Variants in NET1 observed in about 807,000 individuals in gnomAD.
NET1 encodes neuroepithelial cell-transforming gene 1 protein.
NET1 carries 42 observed loss-of-function variants against 61.1 expected under a neutral mutation model. The observed-to-expected ratio is 0.69, with a 90% CI of 0.54 to 0.89. The LOEUF (loss-of-function observed/expected upper bound fraction) is 0.89, where lower values mean the gene tolerates loss of function less well. Among genes scored for constraint, NET1 ranks in the 40% least tolerant of loss-of-function variants. The probability of loss-of-function intolerance (pLI) is 0.00; values close to 1 mark genes in which losing one functional copy is unlikely to be tolerated. For missense variants in NET1, 654 were observed against 747.3 expected (o/e 0.88, Z 1.46); for synonymous variants, 254 against 281.8 (o/e 0.90, Z 0.99).
intron 3 of NET1, among the ~76,000 whole-genome samples, chr10:5,436,225 CAT>C (rs1411296575): frequency 0.019 from 468 of 24,622 alleles, 54 homozygotes; most frequent in Admixed American, 0.027. Flanking sequence ...TGTGTGTGTG[CAT>C]ATATATATAT....
chr10:5,418,623 C>A (rs76765526), intron 1 of NET1, among the ~76,000 whole-genome samples: 1 of 151,830 alleles, frequency 6.6e-6, no homozygotes, highest in Non-Finnish European at 1.5e-5. Context: ...TTTCTTTGTT[C>A]TTCTATTCTT....
rs1395407636 is a variant in NET1 at position 5,447,733 on chromosome 10, A to C, written c.256-4097A>C. Among the ~76,000 whole-genome samples, 1 of 152,224 alleles carries C rather than the reference A, an allele frequency of 6.6e-6. No individual in the cohort carries two copies. The highest frequency in any genetic ancestry group is 1.5e-5 in the Non-Finnish European group (1 of 68,034). ...GGTAGTTAAAATAGCTGCCGTCTTC[A>C]GGAAGTACACTTTTATTTGGTGTGG... On this transcript the variant is annotated intron_variant, in intron 3 of 11. Coordinates refer to ENST00000355029, the MANE Select transcript of NET1 (RefSeq NM_001047160.3). This position sits in a 1 kb window ranked among gnomAD's most constrained non-coding sequence, Gnocchi z 4.1.
Position 5,439,380 on chromosome 10 carries a change from G to A in NET1, c.255+10151G>A, listed in dbSNP as rs143142272. 2.0e-5 allele frequency among the ~76,000 whole-genome samples: 3 copies of A among 152,296 alleles called. No homozygotes were observed. The East Asian group carries it at 5.8e-4, about 29-fold the overall frequency. ...GTTTTAGAGACCTACTCCACCCCTA[G>A]ATGAAGAGTTGAAAGAGAAGTACCA... is the stretch of plus-strand genomic sequence containing the variant. On this transcript the variant is annotated intron_variant, in intron 3 of 11. Transcript: ENST00000355029. This position sits in a 1 kb window ranked among gnomAD's most constrained non-coding sequence, Gnocchi z 4.8.
At position 5,452,317 on chromosome 10, in the gene NET1, C is replaced by T; in HGVS notation, c.364-41C>T. On this transcript the variant is annotated intron_variant, in intron 4 of 11. Transcript: ENST00000355029. This position sits in a 1 kb window ranked among gnomAD's most constrained non-coding sequence, Gnocchi z 4.0. ...AAAATGGGAATAATTCTATTTCTTC[C>T]AAATCTTATTTTCTCTTTTGTTCAC... 1 of 1,470,366 alleles carries T rather than the reference C, an allele frequency of 6.8e-7. No homozygotes were observed. The highest frequency in any genetic ancestry group is 9.1e-7 in the Non-Finnish European group (1 of 1,100,232). 91.1% of individuals were successfully genotyped at this position (1,470,366 alleles called of 1,614,324 possible).
rs984807786 is a variant in NET1 at position 5,422,205 on chromosome 10, C to T, written c.129-4450C>T. Among the ~76,000 whole-genome samples the T allele has an allele frequency of 2.6e-5, 4 of 152,004 alleles. No individual in the cohort carries two copies. Among genetic ancestry groups the T allele is most frequent in the African/African-American group, 7.2e-5 (3 of 41,382 alleles). ...TATAAAATTTAGCTGGGCATGGTGG[C>T]GTGCCCCTGTAATCCTAGCTACTCG... On this transcript the variant is annotated intron_variant, in intron 1 of 11. Coordinates refer to ENST00000355029, the MANE Select transcript of NET1 (RefSeq NM_001047160.3). This position sits in a 1 kb window ranked among gnomAD's most constrained non-coding sequence, Gnocchi z 4.1.
Position 5,420,808 on chromosome 10 carries a change from A to C in NET1, c.129-5847A>C, listed in dbSNP as rs1019539721. Among the ~76,000 whole-genome samples, 10 of 151,860 alleles carry C rather than the reference A, an allele frequency of 6.6e-5. No homozygotes were observed. The highest frequency in any genetic ancestry group is 2.1e-4 in the South Asian group (1 of 4,778). ...ACGGGGTTTCACCATGTTGGCCAGG[A>C]TGGTTTTGATCTCCTGACCTCGTGA... On this transcript the variant is annotated intron_variant, in intron 1 of 11. Coordinates refer to ENST00000355029, the MANE Select transcript of NET1 (RefSeq NM_001047160.3). The surrounding 1 kb of genome is among the most constrained non-coding windows in gnomAD (Gnocchi z 5.3).
Position 5,454,228 on chromosome 10 carries a change from A to G in NET1, c.769-37A>G, listed in dbSNP as rs1475459975. 2.5e-6 allele frequency: 4 copies of G among 1,586,394 alleles called. No homozygotes were observed. The Admixed American group carries it at 5.5e-5, about 22-fold the overall frequency. On this transcript the variant is annotated intron_variant, in intron 8 of 11. Transcript: ENST00000355029. This position sits in a 1 kb window ranked among gnomAD's most constrained non-coding sequence, Gnocchi z 8.1. The stretch of plus-strand genomic sequence containing the variant: ...GCTTGTTAATGCACTCGGTCATAAC[A>G]GGAACACATCATACCTTTTCTTTTA...
rs1832629873 is a variant in NET1, at chr10:5,447,269, T to C, written c.256-4561T>C. Among the ~76,000 whole-genome samples the C allele has an allele frequency of 6.6e-6, 1 of 152,196 alleles. No homozygotes were observed. The highest frequency in any genetic ancestry group is 6.5e-5 in the Admixed American group (1 of 15,282). On this transcript the variant is annotated intron_variant, in intron 3 of 11. Coordinates refer to ENST00000355029, the MANE Select transcript of NET1 (RefSeq NM_001047160.3). The surrounding 1 kb of genome is among the most constrained non-coding windows in gnomAD (Gnocchi z 4.1). Reference sequence around the variant, plus strand: ...TGAACAAATTGCAACTAAAGTTTAGTCTGACCTGGTGTGCATTTTTCTTCC... The same window carrying C: ...TGAACAAATTGCAACTAAAGTTTAGCCTGACCTGGTGTGCATTTTTCTTCC...
At chr10:5,432,864 A>G (rs1283086319) in intron 3 of NET1, among the ~76,000 whole-genome samples, 1 of 151,932 alleles carries the variant, frequency 6.6e-6, no homozygotes, top group Non-Finnish European at 1.5e-5. Context: ...TTGCTTTGGT[A>G]TATCTTTTGA....
rs1268733932 is a variant in NET1, at chr10:5,417,269, G to A, written c.128+4449G>A. 1.3e-5 allele frequency among the ~76,000 whole-genome samples: 2 copies of A among 152,112 alleles called. No individual in the cohort carries two copies. Among genetic ancestry groups the A allele is most frequent in the Admixed American group, 6.5e-5 (1 of 15,296 alleles). ...TCGGGGGGTTTTTATAGGCACAGGT[G>A]GGGGCGTGCTTTTATAGGCACAGGA... On this transcript the variant is annotated intron_variant, in intron 1 of 11. Coordinates refer to ENST00000355029, the MANE Select transcript of NET1 (RefSeq NM_001047160.3). The surrounding 1 kb of genome is among the most constrained non-coding windows in gnomAD (Gnocchi z 5.5).
At chr10:5,429,263 TA>T (rs1472462451) in intron 3 of NET1, 34 bp downstream of exon 3, 11 of 1,438,134 alleles carry the variant, frequency 7.6e-6, no homozygotes, top group Non-Finnish European at 7.7e-6. Context: ...GAAAAGCATT[TA>T]AAAATATGCA....
Position 5,452,578 on chromosome 10 carries a change from C to A in NET1, c.531+53C>A, listed in dbSNP as rs917231946. The A allele has an allele frequency of 6.5e-7, 1 of 1,534,234 alleles. No homozygotes were observed. The highest frequency in any genetic ancestry group is 8.8e-7 in the Non-Finnish European group (1 of 1,130,256). On this transcript the variant is annotated intron_variant, in intron 5 of 11. Transcript: ENST00000355029. This position sits in a 1 kb window ranked among gnomAD's most constrained non-coding sequence, Gnocchi z 4.0. ...TCCCAAAAGAACAGCAAATTGATGC[C>A]GATGGCAAAATTAACTTGGATTTTT... is the stretch of plus-strand genomic sequence containing the variant.
intron 2 of NET1, among the ~76,000 whole-genome samples, chr10:5,428,050 T>TCC (rs1564459998): frequency 6.9e-6 from 1 of 144,230 alleles, no homozygotes; most frequent in African/African-American, 2.6e-5. Context: ...TTTTTTTTTT[T>TCC]TTTTTTTTTT....
At chr10:5,442,916 A>G (rs1832545805) in intron 3 of NET1, among the ~76,000 whole-genome samples, 2 of 151,938 alleles carry the variant, frequency 1.3e-5, no homozygotes, top group African/African-American at 2.4e-5. Context: ...AAACTCTTCT[A>G]AACTTACACA....
In NET1 at chr10:5,426,436, CT is replaced by C. The variant is rs1464898194; in HGVS notation, c.129-215del. On this transcript the variant is annotated intron_variant, in intron 1 of 11. Transcript: ENST00000355029. The surrounding 1 kb of genome is among the most constrained non-coding windows in gnomAD (Gnocchi z 4.6). ...ATCTGTTCACTAATTTTATATAGGC[CT>C]TTTCACTCTAAAGATGCTGAGAATG... Among the ~76,000 whole-genome samples, 1 of 151,966 alleles carries C rather than the reference CT, an allele frequency of 6.6e-6. No homozygotes were observed. The highest frequency in any genetic ancestry group is 2.1e-4 in the South Asian group (1 of 4,830).
At position 5,426,843 on chromosome 10, in the gene NET1, G is replaced by A. The variant is rs1031633657; in HGVS notation, c.195+122G>A. On this transcript the variant is annotated intron_variant, in intron 2 of 11. Coordinates refer to ENST00000355029, the MANE Select transcript of NET1 (RefSeq NM_001047160.3). This position sits in a 1 kb window ranked among gnomAD's most constrained non-coding sequence, Gnocchi z 4.6. The stretch of plus-strand genomic sequence containing the variant: ...GAGGGTCTTGAGGAACAGAATTCCT[G>A]TAACCATCTTTGGCAGCCTAATTTA... The A allele has an allele frequency of 2.6e-5, 15 of 580,032 alleles. No homozygotes were observed. The highest frequency in any genetic ancestry group is 2.1e-4 in the African/African-American group (11 of 52,472). The allele number at this position is 580,032 out of a possible 1,614,324, so 35.9% of individuals were successfully genotyped here. A position where few individuals can be genotyped will look rare whatever the true frequency, so the allele number is the denominator to read the frequency against.
Position 5,416,997 on chromosome 10 carries a change from G to A in NET1, c.128+4177G>A, listed in dbSNP as rs1298804985. ...ATGTACTGGAACAATCAGATGACACGTTGGCTTGGATAATGATTGCAAGCT... is the reference window on the plus strand; with the variant it reads ...ATGTACTGGAACAATCAGATGACACATTGGCTTGGATAATGATTGCAAGCT... On this transcript the variant is annotated intron_variant, in intron 1 of 11. Transcript: ENST00000355029. This position sits in a 1 kb window ranked among gnomAD's most constrained non-coding sequence, Gnocchi z 6.1. Among the ~76,000 whole-genome samples the A allele has an allele frequency of 2.6e-5, 4 of 152,190 alleles. No individual in the cohort carries two copies. Among genetic ancestry groups the A allele is most frequent in the African/African-American group, 4.8e-5 (2 of 41,454 alleles).
chr10:5,452,060 G>A lies in NET1; in HGVS notation c.363+123G>A. The A allele has an allele frequency of 1.5e-6, 1 of 683,322 alleles. No individual in the cohort carries two copies. Among genetic ancestry groups the A allele is most frequent in the East Asian group, 2.7e-5 (1 of 36,746 alleles). The allele number at this position is 683,322 out of a possible 1,614,324, so 42.3% of individuals were successfully genotyped here. On this transcript the variant is annotated intron_variant, in intron 4 of 11. Coordinates refer to ENST00000355029, the MANE Select transcript of NET1 (RefSeq NM_001047160.3). The surrounding 1 kb of genome is among the most constrained non-coding windows in gnomAD (Gnocchi z 4.0). ...ATATTTAAACATAGTTTTCTTTTTG[G>A]AATATGCTAGTAAGGAATATTGTTC...
chr10:5,445,477 A>G (rs1832592313), intron 3 of NET1, among the ~76,000 whole-genome samples: 1 of 152,104 alleles, frequency 6.6e-6, no homozygotes, highest in Admixed American at 6.5e-5. Flanking sequence ...TTTTTTTATT[A>G]CCCAAGTATC....
Sources: allele counts gnomAD v4.1 joint callset (sites outside exome capture counted in the v4.1 genomes callset), GRCh38; gene constraint gnomAD v4.1.1; non-coding constraint Gnocchi (gnomAD v3.1); transcripts MANE v1.5; gene names NCBI Gene and HGNC (gene_info 2026-07-23, HGNC 2026-07-21).